RBL2: variants seen among roughly 807,000 people sequenced by gnomAD.
The protein encoded by RBL2 is RB transcriptional corepressor like 2, also known as retinoblastoma-like protein 2.
A neutral mutation model predicts 126.0 loss-of-function variants in RBL2; 56 were observed. The ratio of observed to expected loss-of-function variants is 0.44; its 90% CI spans 0.36 to 0.56. The LOEUF is 0.56. RBL2 is among the 20% of genes least tolerant of loss of function. The pLI is 0.00. For missense variants in RBL2, 1,229 were observed against 1,398.2 expected (o/e 0.88, Z 1.93); for synonymous variants, 454 against 478.5 (o/e 0.95, Z 0.67).
At chr16:53,435,702 A>G in intron 1 of RBL2, 1 of 1,289,194 alleles carries the variant, frequency 7.8e-7, no homozygotes, top group Non-Finnish European at 1.0e-6. Context: ...TAATTTGTAG[A>G]AAGAGTCGGG....
At chr16:53,437,497 G>C (rs1746785658) in intron 1 of RBL2, among the ~76,000 whole-genome samples, 1 of 152,156 alleles carries the variant, frequency 6.6e-6, no homozygotes, top group African/African-American at 2.4e-5. Context: ...GGAGAGGAAA[G>C]TTGTATCACT....
chr16:53,454,969 C>A, intron 8 of RBL2, 127 bp downstream of exon 8: 1 of 696,304 alleles, frequency 1.4e-6, no homozygotes, highest in Non-Finnish European at 2.2e-6. Flanking sequence ...TCTCATCATA[C>A]TTCTCTTAAT....
chr16:53,472,989 T>G (rs1007864839), intron 17 of RBL2, among the ~76,000 whole-genome samples: 4 of 152,212 alleles, frequency 2.6e-5, no homozygotes, highest in African/African-American at 9.6e-5. Context: ...GGTACCCTCC[T>G]TTAAAATCAA....
In RBL2 at chr16:53,453,700, C is replaced by T. The variant is rs1287967164; in HGVS notation, c.928-5C>T. Reference sequence around the variant, plus strand: ...ACGACTTAAGGATCTCTTCTTTCATCATAGCTCCTTAAGGGAAAAGAAGAA... The same window carrying T: ...ACGACTTAAGGATCTCTTCTTTCATTATAGCTCCTTAAGGGAAAAGAAGAA... On this transcript the variant is annotated splice_polypyrimidine_tract_variant and splice_region_variant and intron_variant, in intron 6 of 21. Transcript: ENST00000262133. 1 of 1,609,056 alleles carries T rather than the reference C, an allele frequency of 6.2e-7. No homozygotes were observed. Among genetic ancestry groups the T allele is most frequent in the Non-Finnish European group, 8.5e-7 (1 of 1,178,194 alleles).
chr16:53,467,127 A>C lies in RBL2; in HGVS notation c.1933A>C (p.Arg645=), dbSNP rs201608999. Reference sequence around the variant, plus strand: ...TGCTGGCTCCCCTTTGACTCCCAGAAGGGTGACTGAAGTTCGTGCTGATAC... The same window carrying C: ...TGCTGGCTCCCCTTTGACTCCCAGACGGGTGACTGAAGTTCGTGCTGATAC... ...CIAGSPLTPR[R]VTEVRADTGG... is the part of the protein sequence containing the mutation. The change falls in exon 14 of 22, where the codon AGG becomes CGG. Residue 645 remains arginine (R), a synonymous_variant. Transcript: ENST00000262133. The C allele has an allele frequency of 4.2e-5, 67 of 1,614,078 alleles. No individual in the cohort carries two copies. In the African/African-American group the frequency reaches 8.7e-4, roughly 21 times the overall value.
intron 4 of RBL2, among the ~76,000 whole-genome samples, chr16:53,448,560 T>G (rs1229229366): frequency 1.3e-5 from 2 of 152,222 alleles, no homozygotes; most frequent in African/African-American, 4.8e-5. Context: ...CTCTGCTCAC[T>G]GCAACCTCCG....
intron 9 of RBL2, among the ~76,000 whole-genome samples, chr16:53,460,733 A>G (rs1240850528): frequency 2.0e-5 from 3 of 152,104 alleles, no homozygotes; most frequent in Admixed American, 6.6e-5. Flanking sequence ...TTCTGCTTGT[A>G]TATGTATTCA....
At chr16:53,489,970 A>G (rs1961346554) in intron 21 of RBL2, 160 bp from the exon 22 acceptor site, 1 of 487,642 alleles carries the variant, frequency 2.1e-6, no homozygotes, top group Non-Finnish European at 3.3e-6. Flanking sequence ...GCCAGCTGAA[A>G]AGTAAAGTTG....
chr16:53,478,739 A>G (rs1373825159), intron 17 of RBL2, among the ~76,000 whole-genome samples: 1 of 152,062 alleles, frequency 6.6e-6, no homozygotes, highest in Non-Finnish European at 1.5e-5. Flanking sequence ...CTCCTGCCTC[A>G]GCCTCCCCAG....
At chr16:53,463,426 A>C (rs1389314670) in intron 11 of RBL2, among the ~76,000 whole-genome samples, 1 of 151,560 alleles carries the variant, frequency 6.6e-6, no homozygotes, top group Non-Finnish European at 1.5e-5. Context: ...TCCCAGATTC[A>C]AGTGATTCTT....
chr16:53,458,671 G>A (rs1338970555), intron 8 of RBL2, among the ~76,000 whole-genome samples: 1 of 152,182 alleles, frequency 6.6e-6, no homozygotes, highest in Admixed American at 6.5e-5. Flanking sequence ...GGTTTAATTG[G>A]ACTTACAGTT....
rs368422158 is a variant in RBL2, at chr16:53,453,543, A to G, written c.858A>G (p.Leu286=). The G allele has an allele frequency of 1.9e-6, 3 of 1,613,492 alleles. No individual in the cohort carries two copies. The highest frequency in any genetic ancestry group is 2.2e-5 in the South Asian group (2 of 91,058). ...IEKLCSLHDG[L]VLEAKGIKEH... ...AACTGTGTTCCTTACATGATGGCCT[A>G]GTTTTGGAAGCAAAGGGGATAAAGG... Residue 286 remains leucine, a synonymous_variant, in exon 6 of 22, where the codon CTA becomes CTG. Transcript: ENST00000262133.
rs771092866 is a variant in RBL2, at chr16:53,465,600, G to A, written c.1861G>A (p.Glu621Lys). 9 of 1,562,074 alleles carry A rather than the reference G, an allele frequency of 5.8e-6. No individual in the cohort carries two copies. The highest frequency in any genetic ancestry group is 7.8e-6 in the Non-Finnish European group (9 of 1,160,406). The part of the protein sequence containing the change: ...DNENRVPTCE[E>K]VMPPQNLERA... Reference sequence around the variant, plus strand: ...TGAAAACAGAGTTCCTACATGTGAAGAGGTTTGTGAAAATAACATCTTTTT... The same window carrying A: ...TGAAAACAGAGTTCCTACATGTGAAAAGGTTTGTGAAAATAACATCTTTTT... The change falls in exon 13 of 22, where the codon GAG becomes AAG. Residue 621 changes from glutamate (E) to lysine (K), a missense_variant and splice_region_variant. Transcript: ENST00000262133.
intron 3 of RBL2, among the ~76,000 whole-genome samples, chr16:53,444,936 G>T (rs1179634790): frequency 6.6e-6 from 1 of 152,212 alleles, no homozygotes; most frequent in African/African-American, 2.4e-5. Context: ...TCATTTATGG[G>T]AAGATATCTT....
At chr16:53,460,953 A>T (rs2058213610) in intron 9 of RBL2, among the ~76,000 whole-genome samples, 1 of 152,226 alleles carries the variant, frequency 6.6e-6, no homozygotes, top group Non-Finnish European at 1.5e-5. Context: ...AGACTGAAGT[A>T]AACCTCGTTG....
intron 8 of RBL2, among the ~76,000 whole-genome samples, chr16:53,455,223 C>T (rs138799562): frequency 2.6e-4 from 39 of 152,310 alleles, no homozygotes; most frequent in African/African-American, 8.9e-4. Context: ...TGAGGATCTA[C>T]AGTCTTTAAG....
intron 17 of RBL2, among the ~76,000 whole-genome samples, chr16:53,474,210 C>T (rs567337930): frequency 1.3e-4 from 20 of 152,246 alleles, no homozygotes; most frequent in Middle Eastern, 3.4e-3. Context: ...AGGCTGGTCT[C>T]GAACTCCTAA....
chr16:53,461,040 T>C (rs1481024801), intron 9 of RBL2, among the ~76,000 whole-genome samples: 1 of 152,204 alleles, frequency 6.6e-6, no homozygotes, highest in African/African-American at 2.4e-5. Context: ...TCATTCTATT[T>C]TCTTCCAGGT....
At chr16:53,455,023 T>A (rs1357870528) in intron 8 of RBL2, among the ~76,000 whole-genome samples, 181 bp downstream of exon 8, 2 of 152,236 alleles carry the variant, frequency 1.3e-5, no homozygotes, top group African/African-American at 2.4e-5. Flanking sequence ...AATATCAACT[T>A]TCATTCATTT....
Sources: allele counts gnomAD v4.1 joint callset (sites outside exome capture counted in the v4.1 genomes callset), GRCh38; gene constraint gnomAD v4.1.1; transcripts MANE v1.5; gene names NCBI Gene and HGNC (gene_info 2026-07-23, HGNC 2026-07-21).